The following ZNF521 variants were observed in gnomAD, a reference collection of about 807,000 sequenced individuals.
The protein encoded by ZNF521 is zinc finger protein 521.
Under a neutral mutation model 105.5 loss-of-function variants are expected in ZNF521, and 14 were observed. The observed-to-expected ratio is 0.13, with a 90% CI of 0.09 to 0.21. ZNF521 has a LOEUF of 0.21. Among genes scored for constraint, ZNF521 ranks in the 10% least tolerant of loss-of-function variants. ZNF521 has a pLI of 1.00. For synonymous variants in ZNF521, 635 were observed against 606.0 expected (o/e 1.05, Z -0.70); for missense variants, 1,233 against 1,629.7 (o/e 0.76, Z 4.19).
At chr18:25,337,255 T>C (rs1315482083) in intron 2 of ZNF521, among the ~76,000 whole-genome samples, 2 of 152,140 alleles carry the variant, frequency 1.3e-5, no homozygotes, top group African/African-American at 2.4e-5. Flanking sequence ...CTTTCTATAA[T>C]ATGTCAGACA....
chr18:25,338,242 C>T (rs367691465), intron 2 of ZNF521, among the ~76,000 whole-genome samples: 71 of 132,690 alleles, frequency 5.4e-4, no homozygotes, highest in African/African-American at 2.0e-3. Context: ...TGAATTCAAA[C>T]AACCTCTCAT....
chr18:25,345,292 C>T (rs981725964), intron 2 of ZNF521: 1 of 152,158 alleles, frequency 6.6e-6, no homozygotes, highest in Non-Finnish European at 1.5e-5. Flanking sequence ...CACTGTTAGA[C>T]GTCACTGCTG....
chr18:25,213,745 G>A (rs1600162910), intron 4 of ZNF521, among the ~76,000 whole-genome samples: 1 of 152,042 alleles, frequency 6.6e-6, no homozygotes, highest in East Asian at 1.9e-4. Context: ...AAAGCCACCT[G>A]AGCCTAATAT....
chr18:25,188,766 G>T (rs11083112), intron 5 of ZNF521, among the ~76,000 whole-genome samples: 1 of 152,162 alleles, frequency 6.6e-6, no homozygotes, highest in Non-Finnish European at 1.5e-5. Context: ...TCTCTGTGCT[G>T]AGCCTAGGAC....
At chr18:25,123,960 A>G (rs1277204583) in intron 5 of ZNF521, among the ~76,000 whole-genome samples, 1 of 152,166 alleles carries the variant, frequency 6.6e-6, no homozygotes, top group African/African-American at 2.4e-5. Flanking sequence ...TGTTATTTCC[A>G]TAAGCCATCA....
intron 3 of ZNF521, among the ~76,000 whole-genome samples, chr18:25,321,413 T>C (rs1391199404): frequency 1.3e-5 from 2 of 152,206 alleles, no homozygotes; most frequent in Non-Finnish European, 2.9e-5. Context: ...CCAGCCTTAA[T>C]GAGTACCTAC....
intron 3 of ZNF521, among the ~76,000 whole-genome samples, chr18:25,263,117 T>C (rs2144902891): frequency 6.6e-6 from 1 of 152,296 alleles, no homozygotes; most frequent in East Asian, 1.9e-4. Flanking sequence ...TTCTCACAAA[T>C]TCCAAATCTC....
At chr18:25,170,045 A>C (rs1487348119) in intron 5 of ZNF521, among the ~76,000 whole-genome samples, 3 of 152,162 alleles carry the variant, frequency 2.0e-5, no homozygotes, top group Non-Finnish European at 4.4e-5. Flanking sequence ...AATCATAAAC[A>C]AGAGTTTACA....
chr18:25,178,640 A>C (rs1455695460), intron 5 of ZNF521, among the ~76,000 whole-genome samples: 1 of 152,226 alleles, frequency 6.6e-6, no homozygotes, highest in Non-Finnish European at 1.5e-5. Context: ...AGTTTGTTTT[A>C]AGAAAGTAGA....
chr18:25,342,868 C>T (rs1463233964), intron 2 of ZNF521, among the ~76,000 whole-genome samples: 1 of 152,192 alleles, frequency 6.6e-6, no homozygotes, highest in Non-Finnish European at 1.5e-5. Context: ...AATATGTAGT[C>T]TTATTCAAGC....
chr18:25,329,465 T>A (rs1268135597), intron 2 of ZNF521, among the ~76,000 whole-genome samples: 1 of 152,218 alleles, frequency 6.6e-6, no homozygotes, highest in African/African-American at 2.4e-5. Context: ...CAAGTTGGGC[T>A]ACATTTTGAA....
intron 3 of ZNF521, among the ~76,000 whole-genome samples, chr18:25,272,223 T>C (rs550302349): frequency 1.3e-5 from 2 of 152,258 alleles, no homozygotes; most frequent in Non-Finnish European, 2.9e-5. Flanking sequence ...TATTATCTCA[T>C]GCCAGTTAGA....
At chr18:25,313,329 T>C (rs1912424467) in intron 3 of ZNF521, among the ~76,000 whole-genome samples, 2 of 150,946 alleles carry the variant, frequency 1.3e-5, no homozygotes, top group Non-Finnish European at 3.0e-5. Flanking sequence ...TTTTAAAAGT[T>C]TTCTGCAAAA....
intron 2 of ZNF521, among the ~76,000 whole-genome samples, chr18:25,347,322 G>C (rs1034563615): frequency 9.9e-5 from 15 of 152,160 alleles, no homozygotes; most frequent in Admixed American, 6.5e-5. Flanking sequence ...TCATTAAATA[G>C]AAGGGGTTAT....
At chr18:25,218,212 G>T (rs1905459720) in intron 4 of ZNF521, among the ~76,000 whole-genome samples, 1 of 152,126 alleles carries the variant, frequency 6.6e-6, no homozygotes, top group African/African-American at 2.4e-5. Flanking sequence ...TTGTGTTTTA[G>T]ATGGATGGTT....
chr18:25,337,432 T>A lies in ZNF521; in HGVS notation c.40+13475A>T, dbSNP rs77090534. Among the ~76,000 whole-genome samples the A allele has an allele frequency of 8.7e-3, 1,324 of 152,264 alleles. 15 individuals are homozygous for A. The highest frequency in any genetic ancestry group is 0.031 in the African/African-American group (1,270 of 41,538). ...CAAAGAGCTAATTTTCTTAATAATA[T>A]GAGCTGCTCTTTCAAACCAGAAGAT... is the stretch of plus-strand genomic sequence containing the variant. On this transcript the variant is annotated intron_variant, in intron 2 of 7. Transcript: ENST00000361524.
chr18:25,145,279 T>C (rs1211676615), intron 5 of ZNF521, among the ~76,000 whole-genome samples: 2 of 152,152 alleles, frequency 1.3e-5, no homozygotes, highest in Non-Finnish European at 2.9e-5. Flanking sequence ...CCCTCTTTAT[T>C]GACATCCCTG....
intron 3 of ZNF521, among the ~76,000 whole-genome samples, chr18:25,243,777 A>C (rs188995357): frequency 2.1e-3 from 313 of 152,338 alleles, no homozygotes; most frequent in African/African-American, 7.1e-3. Flanking sequence ...TAAATTTTTT[A>C]AAATTATTGA....
At chr18:25,080,791 A>G (rs901613161) in intron 7 of ZNF521, among the ~76,000 whole-genome samples, 12 of 152,244 alleles carry the variant, frequency 7.9e-5, no homozygotes, top group Admixed American at 1.3e-4. Context: ...GTAAACATAA[A>G]GGGTCTATTC....
Sources: allele counts gnomAD v4.1 joint callset (sites outside exome capture counted in the v4.1 genomes callset), GRCh38; gene constraint gnomAD v4.1.1; transcripts MANE v1.5; gene names NCBI Gene and HGNC (gene_info 2026-07-23, HGNC 2026-07-21).